SGCZ: variants seen among roughly 807,000 people sequenced by gnomAD.
The protein encoded by SGCZ is sarcoglycan zeta.
In SGCZ, 40 loss-of-function variants were observed where a neutral mutation model predicts 41.3. That is an observed-to-expected ratio of 0.97 (90% CI 0.75 to 1.26). The LOEUF is 1.26. Among genes scored for constraint, SGCZ ranks in the 50% most tolerant of loss-of-function variants. SGCZ has a pLI of 0.00. For missense variants in SGCZ, 552 were observed against 369.8 expected (o/e 1.49, Z -4.04); for synonymous variants, 206 against 137.5 (o/e 1.50, Z -3.49).
intron 1 of SGCZ, among the ~76,000 whole-genome samples, chr8:15,207,927 A>G (rs545663692): frequency 4.6e-5 from 7 of 152,350 alleles, no homozygotes; most frequent in East Asian, 1.9e-4. Flanking sequence ...TCAAAACTCT[A>G]TAACTCTTAA....
chr8:14,941,436 T>C (rs1800272370), intron 1 of SGCZ, among the ~76,000 whole-genome samples: 1 of 152,124 alleles, frequency 6.6e-6, no homozygotes, highest in Non-Finnish European at 1.5e-5. Flanking sequence ...AAAGTGTTTT[T>C]AAAACACTAT....
chr8:14,285,210 T>C (rs1800581964), intron 3 of SGCZ, among the ~76,000 whole-genome samples: 1 of 152,164 alleles, frequency 6.6e-6, no homozygotes, highest in African/African-American at 2.4e-5. Flanking sequence ...CCACATAAAA[T>C]ATATGTGTCA....
intron 1 of SGCZ, among the ~76,000 whole-genome samples, chr8:15,178,111 T>G (rs12674622): frequency 0.35 from 52,466 of 152,072 alleles, 11,742 homozygotes; most frequent in Non-Finnish European, 0.47. Flanking sequence ...CTCCTGAGCC[T>G]GGAGGAATCA....
At chr8:15,068,787 TAAAA>T (rs1435437068) in intron 1 of SGCZ, among the ~76,000 whole-genome samples, 1 of 152,180 alleles carries the variant, frequency 6.6e-6, no homozygotes, top group African/African-American at 2.4e-5. Context: ...TTCTCTCATT[TAAAA>T]AATGTCCTCA....
At chr8:14,598,866 C>T (rs930303113) in intron 1 of SGCZ, among the ~76,000 whole-genome samples, 1 of 152,098 alleles carries the variant, frequency 6.6e-6, no homozygotes, top group Non-Finnish European at 1.5e-5. Flanking sequence ...CCTATCTTTC[C>T]ATTGCAATCA....
intron 1 of SGCZ, among the ~76,000 whole-genome samples, chr8:15,225,458 C>T (rs545329093): frequency 2.0e-5 from 3 of 152,212 alleles, no homozygotes; most frequent in South Asian, 4.1e-4. Flanking sequence ...AGAACTTAGT[C>T]GTTCATTGAA....
chr8:14,922,095 G>C (rs1799604553), intron 1 of SGCZ, among the ~76,000 whole-genome samples: 1 of 152,010 alleles, frequency 6.6e-6, no homozygotes. Flanking sequence ...CTTAATCCCT[G>C]CTTTAGCTGC....
chr8:15,147,981 G>C (rs904025716), intron 1 of SGCZ, among the ~76,000 whole-genome samples: 7 of 152,116 alleles, frequency 4.6e-5, no homozygotes, highest in African/African-American at 1.4e-4. Context: ...CTCCTAAGTA[G>C]GTAAACCTAA....
chr8:14,925,065 C>A (rs1799706084), intron 1 of SGCZ, among the ~76,000 whole-genome samples: 1 of 151,992 alleles, frequency 6.6e-6, no homozygotes, highest in Non-Finnish European at 1.5e-5. Context: ...ACCGTGTTGG[C>A]CAGGCTGCTC....
At chr8:14,711,361 T>A (rs543233780) in intron 1 of SGCZ, among the ~76,000 whole-genome samples, 1 of 148,458 alleles carries the variant, frequency 6.7e-6, no homozygotes, top group East Asian at 2.0e-4. Flanking sequence ...AGGCTGAGGC[T>A]GGCAGATCCC....
intron 2 of SGCZ, among the ~76,000 whole-genome samples, chr8:14,342,449 G>A (rs984106070): frequency 6.6e-6 from 1 of 152,062 alleles, no homozygotes; most frequent in Non-Finnish European, 1.5e-5. Context: ...CCCAGTAGCT[G>A]GGACTACAGG....
chr8:14,817,188 C>T (rs911397275), intron 1 of SGCZ, among the ~76,000 whole-genome samples: 1 of 152,182 alleles, frequency 6.6e-6, no homozygotes, highest in Non-Finnish European at 1.5e-5. Flanking sequence ...CTGTGTGTCA[C>T]AGAAGCCCAG....
At position 14,471,486 on chromosome 8, in the gene SGCZ, A is replaced by G. The variant is rs142088148; in HGVS notation, c.234+83246T>C. Among the ~76,000 whole-genome samples, 1,008 of 152,188 alleles carry G rather than the reference A, an allele frequency of 6.6e-3. 4 individuals carry two copies. The highest frequency in any genetic ancestry group is 0.011 in the Non-Finnish European group (761 of 67,950). On this transcript the variant is annotated intron_variant, in intron 2 of 7. Transcript: ENST00000382080. ...GATACAACATCCAATTATTCTGATG[A>G]CATATACAAGGAAGACATAGTCTCT...
chr8:15,034,565 T>C (rs2130964580), intron 1 of SGCZ, among the ~76,000 whole-genome samples: 1 of 152,196 alleles, frequency 6.6e-6, no homozygotes, highest in South Asian at 2.1e-4. Context: ...GCAGAAAAAC[T>C]TTCAAATCTG....
intron 1 of SGCZ, among the ~76,000 whole-genome samples, chr8:14,895,886 T>C (rs896765725): frequency 3.2e-4 from 49 of 152,288 alleles, no homozygotes; most frequent in African/African-American, 1.2e-3. Context: ...GGATATTTTA[T>C]TTATTAGAAG....
At chr8:15,134,896 AAC>A (rs1194473216) in intron 1 of SGCZ, among the ~76,000 whole-genome samples, 2 of 152,200 alleles carry the variant, frequency 1.3e-5, no homozygotes, top group African/African-American at 4.8e-5. Context: ...TTGAATGTTA[AAC>A]AGTTTGCTTT....
At chr8:14,198,545 T>C (rs57609697) in intron 4 of SGCZ, among the ~76,000 whole-genome samples, 2 of 151,672 alleles carry the variant, frequency 1.3e-5, no homozygotes, top group Admixed American at 6.6e-5. Context: ...CAGTATCATG[T>C]AATATACCTC....
intron 1 of SGCZ, among the ~76,000 whole-genome samples, chr8:14,608,806 T>C (rs764957321): frequency 6.6e-6 from 1 of 152,064 alleles, no homozygotes; most frequent in Non-Finnish European, 1.5e-5. Flanking sequence ...GGGACAAATA[T>C]TCGAACCATA....
intron 2 of SGCZ, among the ~76,000 whole-genome samples, chr8:14,389,901 G>T (rs974736273): frequency 1.3e-5 from 2 of 151,938 alleles, no homozygotes; most frequent in African/African-American, 4.8e-5. Context: ...CTGACCAAGG[G>T]TATCAGAACT....
Sources: allele counts gnomAD v4.1 joint callset (sites outside exome capture counted in the v4.1 genomes callset), GRCh38; gene constraint gnomAD v4.1.1; transcripts MANE v1.5; gene names NCBI Gene and HGNC (gene_info 2026-07-23, HGNC 2026-07-21).